The following ATF7IP2 variants were observed in gnomAD, a reference collection of about 807,000 sequenced individuals.
The protein encoded by ATF7IP2 is activating transcription factor 7 interacting protein 2, also known as activating transcription factor 7-interacting protein 2.
A neutral mutation model predicts 64.2 loss-of-function variants in ATF7IP2; 42 were observed. The observed-to-expected ratio is 0.65, with a 90% CI of 0.51 to 0.85. The LOEUF (loss-of-function observed/expected upper bound fraction) is 0.85, where lower values mean the gene tolerates loss of function less well. Among genes scored for constraint, ATF7IP2 ranks in the 40% least tolerant of loss-of-function variants. The pLI is 0.00. For synonymous variants in ATF7IP2, 308 were observed against 272.8 expected, an observed-to-expected ratio of 1.13 and a Z score of -1.27; for missense variants, 933 against 784.2, an observed-to-expected ratio of 1.19 and a Z score of -2.27.
intron 2 of ATF7IP2, among the ~76,000 whole-genome samples, chr16:10,416,516 G>C (rs1012335407): frequency 7.2e-5 from 11 of 152,174 alleles, no homozygotes; most frequent in African/African-American, 2.7e-4. Flanking sequence ...GAATGGGCCA[G>C]GCACAGTGGC....
Position 10,407,456 on chromosome 16 carries a change from G to A in ATF7IP2, c.-241-7118G>A, listed in dbSNP as rs947171128. On this transcript the variant is annotated intron_variant, in intron 1 of 13. Coordinates refer to ENST00000562102, the MANE Select transcript of ATF7IP2 (RefSeq NM_001393719.1). ...AGTCAAATTGTCCTTATTTACAGAT[G>A]ATAAGATCTTATATTTGGAAAATCC... 3.9e-5 allele frequency among the ~76,000 whole-genome samples: 6 copies of A among 152,132 alleles called. 1 individual carries two copies. In the South Asian group the frequency reaches 1.0e-3, roughly 26 times the overall value.
intron 9 of ATF7IP2, among the ~76,000 whole-genome samples, chr16:10,463,677 C>G (rs1422669867): frequency 6.6e-6 from 1 of 152,180 alleles, no homozygotes; most frequent in Non-Finnish European, 1.5e-5. Flanking sequence ...AACTCCTGAA[C>G]TACACGACTT....
intron 7 of ATF7IP2, among the ~76,000 whole-genome samples, chr16:10,439,039 G>C (rs968810124): frequency 1.1e-5 from 1 of 93,464 alleles, no homozygotes; most frequent in Non-Finnish European, 1.9e-5. Context: ...CCGACAGCGA[G>C]ACTCCATCTC....
At chr16:10,446,863 A>G (rs987317408) in intron 8 of ATF7IP2, 4 of 151,982 alleles carry the variant, frequency 2.6e-5, no homozygotes, top group African/African-American at 9.7e-5. Context: ...AACTATTGGA[A>G]GTTTGTGTGA....
chr16:10,413,387 A>G (rs1016943932), intron 1 of ATF7IP2, among the ~76,000 whole-genome samples: 27 of 152,162 alleles, frequency 1.8e-4, no homozygotes, highest in African/African-American at 6.5e-4. Context: ...TGCCACTGCC[A>G]TGTCAGAAGT....
intron 9 of ATF7IP2, among the ~76,000 whole-genome samples, chr16:10,461,371 TG>T: frequency 6.6e-6 from 1 of 152,284 alleles, no homozygotes; most frequent in Admixed American, 6.5e-5. Context: ...ATCTATTGCA[TG>T]TTGATATGCC....
In ATF7IP2 at chr16:10,480,871, G is replaced by T. The variant is rs200114861; in HGVS notation, c.1550-8G>T. The T allele has an allele frequency of 6.1e-5, 97 of 1,590,620 alleles. 1 individual carries two copies. The Middle Eastern group carries it at 2.0e-3, about 33-fold the overall frequency. ...AGATTTACTTCTTAAACCTTGTGTTGTTCACAGAAAGTCCAGTATCCCCCC... is the reference window on the plus strand; with the variant it reads ...AGATTTACTTCTTAAACCTTGTGTTTTTCACAGAAAGTCCAGTATCCCCCC... On this transcript the variant is annotated splice_region_variant and splice_polypyrimidine_tract_variant and intron_variant, in intron 12 of 13. Transcript: ENST00000562102.
At chr16:10,460,792 TTTC>T (rs1398499366) in intron 9 of ATF7IP2, among the ~76,000 whole-genome samples, 3 of 152,180 alleles carry the variant, frequency 2.0e-5, no homozygotes, top group Non-Finnish European at 4.4e-5. Context: ...TAGGGAATGT[TTTC>T]TTAAGACATA....
At chr16:10,469,287 A>C (rs972258567) in intron 9 of ATF7IP2, among the ~76,000 whole-genome samples, 1 of 152,142 alleles carries the variant, frequency 6.6e-6, no homozygotes, top group African/African-American at 2.4e-5. Flanking sequence ...AAAAAGACTG[A>C]AAAAACAATG....
At chr16:10,449,973 T>C (rs1181843637) in intron 8 of ATF7IP2, among the ~76,000 whole-genome samples, 1 of 152,220 alleles carries the variant, frequency 6.6e-6, no homozygotes, top group East Asian at 1.9e-4. Flanking sequence ...TAAATTTCCC[T>C]CTAAACACTG....
chr16:10,404,364 T>A (rs2047592435), intron 1 of ATF7IP2, among the ~76,000 whole-genome samples: 1 of 152,194 alleles, frequency 6.6e-6, no homozygotes, highest in Non-Finnish European at 1.5e-5. Context: ...GCGATTCTCC[T>A]GCCTCAGCCT....
At chr16:10,446,115 T>C (rs1465378285) in intron 8 of ATF7IP2, 1 of 152,216 alleles carries the variant, frequency 6.6e-6, no homozygotes, top group Non-Finnish European at 1.5e-5. Context: ...ATTATATCTT[T>C]TTCCTTCAGT....
chr16:10,444,765 C>A (rs1309093199), intron 8 of ATF7IP2, among the ~76,000 whole-genome samples: 1 of 152,128 alleles, frequency 6.6e-6, no homozygotes, highest in African/African-American at 2.4e-5. Flanking sequence ...CCAATTTATT[C>A]CTAGAGTTTG....
intron 3 of ATF7IP2, among the ~76,000 whole-genome samples, chr16:10,420,649 G>C (rs1226999813): frequency 3.9e-5 from 6 of 152,154 alleles, no homozygotes; most frequent in Non-Finnish European, 8.8e-5. Context: ...GATGTAAAAG[G>C]GTGCATTCTA....
intron 8 of ATF7IP2, among the ~76,000 whole-genome samples, chr16:10,453,269 A>C (rs919593503): frequency 2.0e-5 from 3 of 152,244 alleles, no homozygotes; most frequent in African/African-American, 7.2e-5. Flanking sequence ...CTGTGGGAAA[A>C]ATGCAGTATC....
intron 3 of ATF7IP2, among the ~76,000 whole-genome samples, chr16:10,422,129 G>A (rs2047999095): frequency 6.6e-6 from 1 of 152,200 alleles, no homozygotes; most frequent in South Asian, 2.1e-4. Flanking sequence ...GGAGCTATGT[G>A]TCCTTTTTCT....
chr16:10,420,063 C>T (rs780791795), intron 3 of ATF7IP2, among the ~76,000 whole-genome samples: 1 of 152,126 alleles, frequency 6.6e-6, no homozygotes, highest in Non-Finnish European at 1.5e-5. Context: ...ACGGCTGTTT[C>T]GGGGAGAGAT....
At chr16:10,476,936 G>A (rs1277366885) in intron 12 of ATF7IP2, among the ~76,000 whole-genome samples, 1 of 152,034 alleles carries the variant, frequency 6.6e-6, no homozygotes, top group African/African-American at 2.4e-5. Flanking sequence ...TGTCTTTGCT[G>A]TTGTGATTAG....
At chr16:10,407,822 C>G (rs1204589161) in intron 1 of ATF7IP2, among the ~76,000 whole-genome samples, 3 of 151,988 alleles carry the variant, frequency 2.0e-5, no homozygotes, top group Non-Finnish European at 4.4e-5. Flanking sequence ...TTCATTGTAT[C>G]ATTCTTAGGC....
Sources: gnomAD v4.1 joint callset for allele counts (sites outside exome capture counted in the v4.1 genomes callset) on GRCh38, gnomAD v4.1.1 for gene constraint, MANE v1.5 for transcripts, NCBI Gene and HGNC (gene_info 2026-07-23, HGNC 2026-07-21) for gene names.